Variants in GALNT9 observed in about 807,000 individuals in gnomAD.
The protein encoded by GALNT9 is GalNAc transferase 9.
In GALNT9, 47 loss-of-function variants were observed where a neutral mutation model predicts 63.1. That is an observed-to-expected ratio of 0.75 (90% CI 0.59 to 0.95). The LOEUF (loss-of-function observed/expected upper bound fraction) is 0.95, where lower values mean the gene tolerates loss of function less well. Ranked by LOEUF, GALNT9 falls within the 40% of genes least tolerant of loss-of-function variation. The pLI is 0.00. For synonymous variants in GALNT9, 396 were observed against 365.7 expected (o/e 1.08, Z -0.94); for missense variants, 829 against 874.8 (o/e 0.95, Z 0.66).
intron 7 of GALNT9, 143 bp downstream of exon 7, chr12:132,203,362 C>T: frequency 1.5e-6 from 1 of 676,922 alleles, no homozygotes; most frequent in Admixed American, 2.9e-5. Flanking sequence ...GCACACACAA[C>T]TGCTTGCACC....
chr12:132,277,772 A>T (rs1178020420), intron 2 of GALNT9: 1 of 152,178 alleles, frequency 6.6e-6, no homozygotes, highest in Non-Finnish European at 1.5e-5. Flanking sequence ...TGCCATACTC[A>T]TGGGAGTCCC....
At chr12:132,277,034 T>C (rs112992857) in intron 2 of GALNT9, among the ~76,000 whole-genome samples, 19 of 151,160 alleles carry the variant, frequency 1.3e-4, no homozygotes, top group Non-Finnish European at 1.5e-4. Context: ...CATGCACACA[T>C]ACACACACAC....
chr12:132,260,834 C>T, intron 4 of GALNT9, 114 bp downstream of exon 4: 3 of 1,385,296 alleles, frequency 2.2e-6, no homozygotes, highest in Middle Eastern at 2.6e-4. Flanking sequence ...TACGGCGAGT[C>T]TCCCAGCCCC....
Position 132,197,072 on chromosome 12 carries a change from T to G in GALNT9, c.*35A>C. On this transcript the variant is annotated 3_prime_UTR_variant, in exon 11 of 11. Transcript: ENST00000328957. ...GCCACACTGGCTCGGCCCAGCGCCTTCCCGAGGTCTGTGGGGGTCCGGGCG... is the reference window on the plus strand; with the variant it reads ...GCCACACTGGCTCGGCCCAGCGCCTGCCCGAGGTCTGTGGGGGTCCGGGCG... The G allele has an allele frequency of 6.2e-7, 1 of 1,611,112 alleles. No homozygotes were observed. The highest frequency in any genetic ancestry group is 8.5e-7 in the Non-Finnish European group (1 of 1,178,190).
chr12:132,207,878 C>G (rs1191128416), intron 6 of GALNT9, among the ~76,000 whole-genome samples: 1 of 152,114 alleles, frequency 6.6e-6, no homozygotes, highest in East Asian at 1.9e-4. Context: ...CTTTCCAATC[C>G]CTGCAAAACA....
At chr12:132,257,471 AC>A (rs1158312514) in intron 5 of GALNT9, among the ~76,000 whole-genome samples, 3 of 98,942 alleles carry the variant, frequency 3.0e-5, no homozygotes, top group Admixed American at 9.8e-5. Flanking sequence ...CCTCGTCCCC[AC>A]GCCCTCGTCC....
intron 4 of GALNT9, among the ~76,000 whole-genome samples, chr12:132,259,471 C>T (rs924386677): frequency 1.3e-5 from 2 of 152,196 alleles, no homozygotes; most frequent in Admixed American, 1.3e-4. Context: ...AAGGAAAGCG[C>T]CCTGCGGAGG....
chr12:132,229,312 G>A (rs1877812038), intron 6 of GALNT9, among the ~76,000 whole-genome samples: 2 of 152,294 alleles, frequency 1.3e-5, no homozygotes, highest in East Asian at 1.9e-4. Flanking sequence ...GCCCCACGAG[G>A]CGCACGCTTT....
At chr12:132,317,434 C>T (rs1221734420) in intron 1 of GALNT9, among the ~76,000 whole-genome samples, 1 of 152,224 alleles carries the variant, frequency 6.6e-6, no homozygotes, top group African/African-American at 2.4e-5. Context: ...GCCACTCTTC[C>T]GTCCACACTG....
At chr12:132,200,418 A>C (rs899413533) in intron 8 of GALNT9, 2 of 152,162 alleles carry the variant, frequency 1.3e-5, no homozygotes, top group African/African-American at 4.8e-5. Flanking sequence ...CATATCACCC[A>C]TTGTGTGCAT....
At chr12:132,257,919 C>G in intron 4 of GALNT9, 33 bp from the exon 5 acceptor site, 1 of 1,422,774 alleles carries the variant, frequency 7.0e-7, no homozygotes, top group Non-Finnish European at 9.5e-7. Flanking sequence ...AGGGGCGGCC[C>G]CAGCCCACCG....
intron 2 of GALNT9, 46 bp from the exon 3 acceptor site, chr12:132,262,671 G>A: frequency 5.5e-6 from 8 of 1,464,194 alleles, no homozygotes; most frequent in Non-Finnish European, 7.3e-6. Context: ...CAGCATGAGG[G>A]ACCCCGGAAG....
At chr12:132,207,277 G>A (rs915112549) in intron 6 of GALNT9, among the ~76,000 whole-genome samples, 2 of 152,186 alleles carry the variant, frequency 1.3e-5, no homozygotes, top group Admixed American at 6.5e-5. Flanking sequence ...GGTTTCTGTC[G>A]CTTCTGCTCA....
At chr12:132,258,427 C>T (rs1555239362) in intron 4 of GALNT9, among the ~76,000 whole-genome samples, 2 of 152,212 alleles carry the variant, frequency 1.3e-5, no homozygotes, top group African/African-American at 4.8e-5. Context: ...GAAAAGCCAC[C>T]AGGCACCGTT....
chr12:132,298,777 C>A (rs1465381740), intron 1 of GALNT9, among the ~76,000 whole-genome samples: 6 of 147,402 alleles, frequency 4.1e-5, no homozygotes, highest in Non-Finnish European at 9.0e-5. Flanking sequence ...CCCAACACAC[C>A]TAACCCATCC....
intron 7 of GALNT9, 152 bp from the exon 8 acceptor site, chr12:132,201,413 A>ACC (rs35906641): frequency 0.56 from 328,248 of 587,322 alleles, 93,031 homozygotes; most frequent in Non-Finnish European, 0.59. Context: ...TCCAGTTGGG[A>ACC]CCCCCCAGCC....
intron 6 of GALNT9, among the ~76,000 whole-genome samples, chr12:132,209,580 C>T (rs545414681): frequency 6.2e-4 from 94 of 152,066 alleles, no homozygotes; most frequent in African/African-American, 2.1e-3. Flanking sequence ...GTAAAGGAGC[C>T]GCCAAGTCCC....
Position 132,247,589 on chromosome 12 carries a change from C to T in GALNT9, c.1077+321G>A, listed in dbSNP as rs527431135. 1.3e-5 allele frequency: 7 copies of T among 536,242 alleles called. No individual in the cohort carries two copies. The Admixed American group carries it at 1.6e-4, about 12-fold the overall frequency. 33.2% of individuals were successfully genotyped at this position (536,242 alleles called of 1,614,324 possible). ...CCTAGACCATGGCTGCACTCGCCCT[C>T]ACCCTGTCCCCGGACACTGCAGCCA... is the stretch of plus-strand genomic sequence containing the variant. On this transcript the variant is annotated intron_variant, in intron 6 of 10. Transcript: ENST00000328957.
At chr12:132,201,633 C>T (rs1284986836) in intron 7 of GALNT9, among the ~76,000 whole-genome samples, 2 of 98,296 alleles carry the variant, frequency 2.0e-5, no homozygotes, top group Non-Finnish European at 4.7e-5. Flanking sequence ...AGACTGAGGT[C>T]AGCCATATCC....
Sources: allele counts gnomAD v4.1 joint callset (sites outside exome capture counted in the v4.1 genomes callset), GRCh38; gene constraint gnomAD v4.1.1; transcripts MANE v1.5; gene names NCBI Gene and HGNC (gene_info 2026-07-23, HGNC 2026-07-21).